METTL24: variants seen among roughly 807,000 people sequenced by gnomAD.
METTL24 encodes the protein probable methyltransferase-like protein 24.
In METTL24, 29 loss-of-function variants were observed where a neutral mutation model predicts 32.7. That is an observed-to-expected ratio of 0.89 (90% confidence interval 0.66 to 1.21). METTL24 has a LOEUF of 1.21. Ranked by LOEUF, METTL24 falls within the 50% of genes most tolerant of loss-of-function variation. The pLI, the probability that METTL24 is intolerant of heterozygous loss-of-function variation, is 0.00. For synonymous variants in METTL24, 163 were observed against 179.5 expected (o/e 0.91, Z 0.73); for missense variants, 439 against 468.1 (o/e 0.94, Z 0.57).
chr6:110,349,400 G>A (rs1322464562), intron 1 of METTL24, among the ~76,000 whole-genome samples: 1 of 152,200 alleles, frequency 6.6e-6, no homozygotes, highest in Non-Finnish European at 1.5e-5. Context: ...CTAGCATGGG[G>A]TCCAGAGAGA....
Position 110,306,438 on chromosome 6 carries a change from C to T in METTL24, c.558-7288G>A, listed in dbSNP as rs574480313. 6.6e-5 allele frequency among the ~76,000 whole-genome samples: 10 copies of T among 151,500 alleles called. No homozygotes were observed. In the South Asian group the frequency reaches 1.7e-3, roughly 25 times the overall value. Reference sequence around the variant, plus strand: ...TTTAGCAGTTTTTTATATATCTTTCCAGAAATTTTCTACCTATATACAAGT... The same window carrying T: ...TTTAGCAGTTTTTTATATATCTTTCTAGAAATTTTCTACCTATATACAAGT... On this transcript the variant is annotated intron_variant, in intron 3 of 4. Transcript: ENST00000338882.
chr6:110,281,533 A>G (rs1771135749), intron 4 of METTL24, among the ~76,000 whole-genome samples: 1 of 151,774 alleles, frequency 6.6e-6, no homozygotes, highest in Non-Finnish European at 1.5e-5. Context: ...CCCAGCCACT[A>G]AGGAGGCTGA....
intron 2 of METTL24, among the ~76,000 whole-genome samples, chr6:110,319,956 C>T (rs956138806): frequency 6.6e-6 from 1 of 152,152 alleles, no homozygotes; most frequent in Admixed American, 6.6e-5. Context: ...CTGTCTCCCC[C>T]CTGTTAGAGA....
intron 4 of METTL24, among the ~76,000 whole-genome samples, chr6:110,278,015 G>A (rs976626477): frequency 6.6e-6 from 1 of 152,154 alleles, no homozygotes; most frequent in African/African-American, 2.4e-5. Flanking sequence ...AGAAAAGTTT[G>A]TGTTATTGTC....
chr6:110,357,144 G>A (rs967837193), intron 1 of METTL24, among the ~76,000 whole-genome samples: 1 of 152,188 alleles, frequency 6.6e-6, no homozygotes, highest in African/African-American at 2.4e-5. Flanking sequence ...AAAAGGATGA[G>A]GAGAGCTCAT....
At chr6:110,315,255 A>G (rs1771796242) in intron 3 of METTL24, 87 bp downstream of exon 3, 2 of 1,494,208 alleles carry the variant, frequency 1.3e-6, no homozygotes, top group Non-Finnish European at 1.8e-6. Context: ...ACAAACTGCA[A>G]CCATTTCTAA....
intron 1 of METTL24, among the ~76,000 whole-genome samples, chr6:110,329,641 G>A (rs942194235): frequency 1.3e-5 from 2 of 152,148 alleles, no homozygotes; most frequent in African/African-American, 2.4e-5. Flanking sequence ...GCTTCTGAAG[G>A]CTGCGAGGGG....
intron 4 of METTL24, among the ~76,000 whole-genome samples, chr6:110,249,286 C>A (rs1778228971): frequency 6.6e-6 from 1 of 151,904 alleles, no homozygotes; most frequent in Non-Finnish European, 1.5e-5. Context: ...TTTGAAAATC[C>A]AATTTTCATT....
At chr6:110,336,292 C>T (rs1376696093) in intron 1 of METTL24, among the ~76,000 whole-genome samples, 1 of 152,200 alleles carries the variant, frequency 6.6e-6, no homozygotes, top group East Asian at 1.9e-4. Flanking sequence ...TCATCCCTAC[C>T]AACCCACACT....
intron 1 of METTL24, among the ~76,000 whole-genome samples, chr6:110,327,458 G>T (rs1047892016): frequency 6.6e-6 from 1 of 152,196 alleles, no homozygotes. Context: ...ACAGCAGCTG[G>T]AACAGTGAAT....
chr6:110,279,613 AT>A lies in METTL24; in HGVS notation c.786+19308del, dbSNP rs772219027. 1.3e-4 allele frequency among the ~76,000 whole-genome samples: 20 copies of A among 152,342 alleles called. No homozygotes were observed. The Middle Eastern group carries it at 0.027, about 207-fold the overall frequency. ...AATACAAGTAGGCATTACAAATTAC[AT>A]TGTAGATAAGTATTTCATAAGATTT... On this transcript the variant is annotated intron_variant, in intron 4 of 4. Transcript: ENST00000338882.
chr6:110,244,994 C>G lies in METTL24; in HGVS notation c.*952G>C, dbSNP rs1327049569. On this transcript the variant is annotated 3_prime_UTR_variant, in exon 5 of 5. Transcript: ENST00000338882. ...CTTATCTATCTATCTATCTATCTAT[C>G]TATCTATCATCTATCTATTTATCTA... Among the ~76,000 whole-genome samples the G allele has an allele frequency of 1.3e-5, 2 of 151,982 alleles. No homozygotes were observed. Among genetic ancestry groups the G allele is most frequent in the Non-Finnish European group, 2.9e-5 (2 of 68,012 alleles).
At chr6:110,295,420 G>A (rs1771395442) in intron 4 of METTL24, among the ~76,000 whole-genome samples, 1 of 152,148 alleles carries the variant, frequency 6.6e-6, no homozygotes, top group South Asian at 2.1e-4. Context: ...TGGCCTGGGT[G>A]GTGACAAGGG....
chr6:110,305,333 G>A (rs549405245), intron 3 of METTL24, among the ~76,000 whole-genome samples: 8 of 151,888 alleles, frequency 5.3e-5, no homozygotes, highest in South Asian at 2.1e-4. Flanking sequence ...AAATAGGATC[G>A]AATTAAATTA....
At chr6:110,315,511 T>A (rs759764991) in intron 2 of METTL24, 30 bp from the exon 3 acceptor site, 1 of 1,611,298 alleles carries the variant, frequency 6.2e-7, no homozygotes, top group South Asian at 1.1e-5. Flanking sequence ...ATGTGAATAA[T>A]TTGAAATGTT....
At chr6:110,304,634 G>A (rs902272851) in intron 3 of METTL24, among the ~76,000 whole-genome samples, 2 of 152,118 alleles carry the variant, frequency 1.3e-5, no homozygotes, top group African/African-American at 4.8e-5. Context: ...AGAATGAAAA[G>A]GAACGAACAA....
At chr6:110,279,950 T>TA (rs1771109413) in intron 4 of METTL24, among the ~76,000 whole-genome samples, 1 of 152,100 alleles carries the variant, frequency 6.6e-6, no homozygotes, top group Non-Finnish European at 1.5e-5. Context: ...TCAGGAAACT[T>TA]ACAATCGTGG....
chr6:110,330,392 A>T (rs1772092572), intron 1 of METTL24, among the ~76,000 whole-genome samples: 1 of 152,218 alleles, frequency 6.6e-6, no homozygotes, highest in Non-Finnish European at 1.5e-5. Flanking sequence ...AGCAGAGCGT[A>T]GGCAAAGCAG....
intron 4 of METTL24, among the ~76,000 whole-genome samples, chr6:110,252,812 A>G (rs1165140055): frequency 1.3e-5 from 2 of 152,130 alleles, no homozygotes; most frequent in Non-Finnish European, 2.9e-5. Context: ...TGACACCCCC[A>G]CCACTGAGAC....
Sources: gnomAD v4.1 joint callset for allele counts (sites outside exome capture counted in the v4.1 genomes callset) on GRCh38, gnomAD v4.1.1 for gene constraint, MANE v1.5 for transcripts, NCBI Gene and HGNC (gene_info 2026-07-23, HGNC 2026-07-21) for gene names.